MKLN1: variants seen among roughly 807,000 people sequenced by gnomAD.
MKLN1 encodes the protein muskelin 1, also known as muskelin.
MKLN1 carries 18 observed loss-of-function variants against 99.0 expected under a neutral mutation model. That is an observed-to-expected ratio of 0.18 (90% CI 0.13 to 0.27). The LOEUF (loss-of-function observed/expected upper bound fraction) is 0.27. MKLN1 is among the 10% of genes least tolerant of loss of function. The probability of loss-of-function intolerance (pLI) is 1.00; values close to 1 mark genes in which losing one functional copy is unlikely to be tolerated. For synonymous variants in MKLN1, 288 were observed against 293.2 expected (o/e 0.98, Z 0.18); for missense variants, 621 against 875.9 (o/e 0.71, Z 3.67).
At chr7:131,130,487 C>T (rs1345093269) in intron 1 of MKLN1, among the ~76,000 whole-genome samples, 1 of 152,222 alleles carries the variant, frequency 6.6e-6, no homozygotes, top group Non-Finnish European at 1.5e-5. Context: ...ACCATTACCC[C>T]CATTTCACAG....
chr7:131,297,577 C>A (rs1798312154), intron 3 of MKLN1, among the ~76,000 whole-genome samples: 1 of 151,988 alleles, frequency 6.6e-6, no homozygotes. Context: ...TAGAACCACT[C>A]CCCCGAAGTC....
intron 1 of MKLN1, among the ~76,000 whole-genome samples, chr7:131,366,520 G>A (rs1584657225): frequency 6.6e-6 from 1 of 152,064 alleles, no homozygotes; most frequent in South Asian, 2.1e-4. Flanking sequence ...CTTAAGAGTA[G>A]TAATTTAGGG....
At chr7:131,477,638 C>T (rs190501254) in intron 16 of MKLN1, among the ~76,000 whole-genome samples, 1 of 152,296 alleles carries the variant, frequency 6.6e-6, no homozygotes, top group East Asian at 1.9e-4. Flanking sequence ...CCCCCCTTTT[C>T]ATAACTCTTG....
At chr7:131,249,217 C>G (rs1207273440) in intron 3 of MKLN1, among the ~76,000 whole-genome samples, 1 of 152,204 alleles carries the variant, frequency 6.6e-6, no homozygotes, top group African/African-American at 2.4e-5. Context: ...TGGGTTCAGC[C>G]ATGAGGTCAT....
At chr7:131,128,905 T>TA (rs949084723) in intron 1 of MKLN1, among the ~76,000 whole-genome samples, 1 of 150,490 alleles carries the variant, frequency 6.6e-6, no homozygotes, top group Non-Finnish European at 1.5e-5. Flanking sequence ...TATTTTTTTT[T>TA]TTTTTTTTTT....
chr7:131,384,607 G>A (rs188421548), intron 2 of MKLN1, among the ~76,000 whole-genome samples: 6 of 152,142 alleles, frequency 3.9e-5, no homozygotes, highest in Admixed American at 2.0e-4. Context: ...TAAAGCCATC[G>A]ATTTGTTATA....
chr7:131,434,515 T>A (rs1795621794), intron 9 of MKLN1, among the ~76,000 whole-genome samples: 1 of 152,162 alleles, frequency 6.6e-6, no homozygotes, highest in African/African-American at 2.4e-5. Flanking sequence ...AGCAGTCATT[T>A]TTCTTCTTTC....
At chr7:131,406,111 A>G (rs1794698718) in intron 6 of MKLN1, among the ~76,000 whole-genome samples, 1 of 152,004 alleles carries the variant, frequency 6.6e-6, no homozygotes, top group Non-Finnish European at 1.5e-5. Flanking sequence ...CAAATTTTAA[A>G]TTATTTTGAA....
chr7:131,164,680 T>C (rs1796098543), intron 2 of MKLN1, among the ~76,000 whole-genome samples: 2 of 152,256 alleles, frequency 1.3e-5, no homozygotes, highest in South Asian at 4.1e-4. Context: ...GTTTTTTGTT[T>C]AGTCACTCTT....
intron 3 of MKLN1, among the ~76,000 whole-genome samples, chr7:131,315,086 G>T (rs759058491): frequency 1.4e-4 from 21 of 152,054 alleles, no homozygotes; most frequent in Non-Finnish European, 2.9e-5. Flanking sequence ...AATGAAGCTG[G>T]CTTTTGACTA....
upstream of MKLN1, chr7:131,327,668 G>C (rs1798922741): frequency 3.3e-6 from 2 of 607,182 alleles, no homozygotes; most frequent in South Asian, 4.8e-5. Flanking sequence ...CCCAGGGAAG[G>C]GCCTGGAAAG....
At chr7:131,144,342 C>T (rs767073582) in intron 2 of MKLN1, among the ~76,000 whole-genome samples, 5 of 151,444 alleles carry the variant, frequency 3.3e-5, no homozygotes, top group South Asian at 2.1e-4. Context: ...ATTAGCCGGG[C>T]GTGGTGGTGG....
intron 1 of MKLN1, among the ~76,000 whole-genome samples, chr7:131,131,500 C>CA (rs1481402977): frequency 1.3e-5 from 2 of 152,198 alleles, no homozygotes; most frequent in Non-Finnish European, 2.9e-5. Context: ...TTCATCATCT[C>CA]AGTTAATCTT....
In MKLN1 at chr7:131,272,720, G is replaced by A. The variant is rs143421632; in HGVS notation, c.-179+69746G>A. ...AGGTGAAAGGCACTTCTTACATGGT[G>A]GTAGCAAGAGAAAAATGAGGAAGAA... On this transcript the variant is annotated intron_variant, in intron 3 of 7. Coordinates refer to the MKLN1 transcript ENST00000416992. 1.9e-3 allele frequency among the ~76,000 whole-genome samples: 285 copies of A among 152,254 alleles called. 7 individuals are homozygous for A. Among genetic ancestry groups the A allele is most frequent in the East Asian group, 1.2e-3 (6 of 5,186 alleles).
intron 1 of MKLN1, among the ~76,000 whole-genome samples, chr7:131,329,613 T>C (rs1468772947): frequency 2.0e-5 from 3 of 152,230 alleles, no homozygotes; most frequent in Admixed American, 6.5e-5. Flanking sequence ...ATTAGCGTAT[T>C]TCCAGGACGT....
chr7:131,412,783 G>A (rs1020859027), intron 7 of MKLN1, among the ~76,000 whole-genome samples: 2 of 152,162 alleles, frequency 1.3e-5, no homozygotes, highest in Non-Finnish European at 2.9e-5. Context: ...CAGTTCTATG[G>A]ATACTGAGCT....
intron 8 of MKLN1, among the ~76,000 whole-genome samples, chr7:131,420,428 A>G (rs1795158212): frequency 6.6e-6 from 1 of 152,212 alleles, no homozygotes; most frequent in Admixed American, 6.5e-5. Context: ...TTTTGACCTG[A>G]GCAATTAGAA....
chr7:131,477,260 G>A (rs1048532134), intron 16 of MKLN1, among the ~76,000 whole-genome samples: 2 of 151,892 alleles, frequency 1.3e-5, no homozygotes, highest in Non-Finnish European at 2.9e-5. Context: ...TAAAAACATA[G>A]ACATTGCCAG....
At position 131,399,662 on chromosome 7, in the gene MKLN1, A is replaced by C. The variant is rs548458662; in HGVS notation, c.703+229A>C. On this transcript the variant is annotated intron_variant, in intron 6 of 17. Transcript: ENST00000352689. Reference sequence around the variant, plus strand: ...GTACTTGAACTCACATATAAATTTAAGTTGTCATCTTGGGAAACCATGCAC... The same window carrying C: ...GTACTTGAACTCACATATAAATTTACGTTGTCATCTTGGGAAACCATGCAC... Among the ~76,000 whole-genome samples, 25 of 152,326 alleles carry C rather than the reference A, an allele frequency of 1.6e-4. No homozygotes were observed. In the South Asian group the frequency reaches 5.2e-3, roughly 32 times the overall value.
Sources: allele counts gnomAD v4.1 joint callset (sites outside exome capture counted in the v4.1 genomes callset), GRCh38; gene constraint gnomAD v4.1.1; transcripts MANE v1.5; gene names NCBI Gene and HGNC (gene_info 2026-07-23, HGNC 2026-07-21).